Variants in NFAT5 observed in about 807,000 individuals in gnomAD.
NFAT5 encodes the protein nuclear factor of activated T-cells 5.
A neutral mutation model predicts 166.5 loss-of-function variants in NFAT5; 31 were observed. The ratio of observed to expected loss-of-function variants is 0.19; its 90% CI spans 0.14 to 0.25. The LOEUF (loss-of-function observed/expected upper bound fraction) is 0.25. Among genes scored for constraint, NFAT5 ranks in the 10% least tolerant of loss-of-function variants. The pLI, the probability that NFAT5 is intolerant of heterozygous loss-of-function variation, is 1.00. For missense variants in NFAT5, 1,449 were observed against 1,821.8 expected, an observed-to-expected ratio of 0.80 and a Z score of 3.72; for synonymous variants, 612 against 639.7, an observed-to-expected ratio of 0.96 and a Z score of 0.65.
chr16:69,700,242 T>C lies in NFAT5; in HGVS notation c.*3891T>C, dbSNP rs1680718449. The C allele has an allele frequency of 6.6e-6, 1 of 152,108 alleles. No individual in the cohort carries two copies. The highest frequency in any genetic ancestry group is 2.4e-5 in the African/African-American group (1 of 41,406). The allele number at this position is 152,108 out of a possible 1,614,324, so 9.4% of individuals were successfully genotyped here. A position where few individuals can be genotyped will look rare whatever the true frequency, so the allele number is the denominator to read the frequency against. On this transcript the variant is annotated 3_prime_UTR_variant, in exon 15 of 15. Transcript: ENST00000349945. The stretch of plus-strand genomic sequence containing the variant: ...ATCCTTCCTTGCCTTTTATTTTTAT[T>C]TTTTGTAATATCACATGTGCTGTAG...
intron 10 of NFAT5, among the ~76,000 whole-genome samples, chr16:69,683,192 C>T (rs374848662): frequency 3.3e-5 from 5 of 151,940 alleles, no homozygotes; most frequent in Non-Finnish European, 7.4e-5. Context: ...GCCTGGGCAA[C>T]AAGAGCGAAA....
intron 4 of NFAT5, among the ~76,000 whole-genome samples, chr16:69,651,365 T>C (rs1349089275): frequency 2.0e-5 from 3 of 152,220 alleles, no homozygotes; most frequent in Non-Finnish European, 4.4e-5. Context: ...CTTTTGCCTC[T>C]TTCCTAGCCA....
chr16:69,664,348 G>C (rs200307454), intron 7 of NFAT5, among the ~76,000 whole-genome samples: 3 of 151,986 alleles, frequency 2.0e-5, no homozygotes, highest in Non-Finnish European at 4.4e-5. Flanking sequence ...GTGCAGTGGC[G>C]ATCCCGGCTC....
chr16:69,643,834 G>C (rs189808714), intron 3 of NFAT5, among the ~76,000 whole-genome samples: 1 of 152,222 alleles, frequency 6.6e-6, no homozygotes. Context: ...GATATTGTCA[G>C]TGCTTTCGAA....
chr16:69,630,853 C>T (rs999860474), intron 3 of NFAT5, among the ~76,000 whole-genome samples: 8 of 152,074 alleles, frequency 5.3e-5, no homozygotes, highest in Admixed American at 5.2e-4. Flanking sequence ...AAAATAACAG[C>T]TTTATTGAGA....
chr16:69,571,965 T>C (rs1211058712), intron 2 of NFAT5, among the ~76,000 whole-genome samples: 2 of 152,092 alleles, frequency 1.3e-5, no homozygotes, highest in Non-Finnish European at 2.9e-5. Context: ...GGTTTCACCA[T>C]ATTAGCCAGG....
intron 2 of NFAT5, among the ~76,000 whole-genome samples, chr16:69,596,796 G>A (rs1409334725): frequency 6.7e-6 from 1 of 149,916 alleles, no homozygotes; most frequent in Non-Finnish European, 1.5e-5. Context: ...TTTATTTACT[G>A]AGTATTTTCA....
chr16:69,669,920 T>G, intron 7 of NFAT5, 57 bp from the exon 8 acceptor site: 1 of 1,474,574 alleles, frequency 6.8e-7, no homozygotes, highest in Non-Finnish European at 9.0e-7. Context: ...AAGTTGATTT[T>G]AGGTAAGAAA....
At chr16:69,674,282 A>G (rs2036746719) in intron 9 of NFAT5, among the ~76,000 whole-genome samples, 1 of 151,110 alleles carries the variant, frequency 6.6e-6, no homozygotes, top group South Asian at 2.1e-4. Context: ...TATTATAAAT[A>G]TTGAGACTAA....
intron 4 of NFAT5, among the ~76,000 whole-genome samples, chr16:69,649,872 C>T (rs1201414834): frequency 6.6e-6 from 1 of 151,548 alleles, no homozygotes; most frequent in Non-Finnish European, 1.5e-5. Context: ...GTTTATTGAT[C>T]TTCAAGATAC....
At position 69,702,779 on chromosome 16, in the gene NFAT5, T is replaced by A. The variant is rs2037920974; in HGVS notation, c.*6428T>A. On this transcript the variant is annotated 3_prime_UTR_variant, in exon 15 of 15. Coordinates refer to ENST00000349945, the MANE Select transcript of NFAT5 (RefSeq NM_138713.4). Reference sequence around the variant, plus strand: ...CTCAGACTGATATAGTTATACATTGTTCTTCATGTAAATTCAGCTTAACCT... The same window carrying A: ...CTCAGACTGATATAGTTATACATTGATCTTCATGTAAATTCAGCTTAACCT... The A allele has an allele frequency of 6.6e-6, 1 of 152,668 alleles. No homozygotes were observed. Among genetic ancestry groups the A allele is most frequent in the Non-Finnish European group, 1.5e-5 (1 of 68,034 alleles). 9.5% of individuals were successfully genotyped at this position (152,668 alleles called of 1,614,324 possible).
intron 2 of NFAT5, among the ~76,000 whole-genome samples, chr16:69,605,797 T>C (rs2033373793): frequency 6.6e-6 from 1 of 151,894 alleles, no homozygotes; most frequent in South Asian, 2.1e-4. Flanking sequence ...CACTGCAAGC[T>C]CCGCTTCCCG....
intron 2 of NFAT5, among the ~76,000 whole-genome samples, chr16:69,574,126 C>T (rs528066215): frequency 6.6e-6 from 1 of 151,980 alleles, no homozygotes; most frequent in African/African-American, 2.4e-5. Context: ...CCACCTCGGC[C>T]CCCCAAAGTG....
intron 10 of NFAT5, among the ~76,000 whole-genome samples, chr16:69,681,529 C>T (rs1015659559): frequency 6.6e-6 from 1 of 152,152 alleles, no homozygotes; most frequent in African/African-American, 2.4e-5. Flanking sequence ...CACTTTTTGG[C>T]TCCATCCTAT....
At chr16:69,638,548 A>T (rs2035067037) in intron 3 of NFAT5, among the ~76,000 whole-genome samples, 1 of 152,130 alleles carries the variant, frequency 6.6e-6, no homozygotes, top group Non-Finnish European at 1.5e-5. Flanking sequence ...AGCCTGGCCA[A>T]CATGGTGAAA....
At chr16:69,662,903 C>A (rs530167504) in intron 7 of NFAT5, among the ~76,000 whole-genome samples, 2 of 89,206 alleles carry the variant, frequency 2.2e-5, no homozygotes, top group Admixed American at 3.0e-4. Flanking sequence ...TAAAAATGAT[C>A]TACAGTAAAA....
At chr16:69,645,368 A>C (rs1206423180) in intron 3 of NFAT5, among the ~76,000 whole-genome samples, 4 of 152,172 alleles carry the variant, frequency 2.6e-5, no homozygotes, top group Non-Finnish European at 4.4e-5. Context: ...GGTATCATCT[A>C]ATTTCTTTAG....
At chr16:69,604,917 A>G (rs981534083) in intron 2 of NFAT5, among the ~76,000 whole-genome samples, 3 of 152,166 alleles carry the variant, frequency 2.0e-5, no homozygotes, top group Non-Finnish European at 2.9e-5. Context: ...GTTCCATTCT[A>G]TGGATACCAC....
chr16:69,691,118 C>A (rs2037529811), intron 12 of NFAT5, 30 bp downstream of exon 12: 1 of 1,470,454 alleles, frequency 6.8e-7, no homozygotes, highest in Non-Finnish European at 9.0e-7. Context: ...GCACAAACCT[C>A]CTATATAAAA....
Sources: allele counts gnomAD v4.1 joint callset (sites outside exome capture counted in the v4.1 genomes callset), GRCh38; gene constraint gnomAD v4.1.1; transcripts MANE v1.5; gene names NCBI Gene and HGNC (gene_info 2026-07-23, HGNC 2026-07-21).